BMS1: variants seen among roughly 807,000 people sequenced by gnomAD.
The protein encoded by BMS1 is ribosome biogenesis protein BMS1 homolog.
In BMS1, 53 loss-of-function variants were observed where a neutral mutation model predicts 138.7. The ratio of observed to expected loss-of-function variants is 0.38; its 90% CI spans 0.31 to 0.48. The LOEUF is 0.48. Among genes scored for constraint, BMS1 ranks in the 20% least tolerant of loss-of-function variants. The pLI, the probability that BMS1 is intolerant of heterozygous loss-of-function variation, is 0.97. For missense variants in BMS1, 1,360 were observed against 1,565.5 expected (o/e 0.87, Z 2.22); for synonymous variants, 504 against 539.9 (o/e 0.93, Z 0.92).
At chr10:42,800,289 G>T (rs531081051) in intron 12 of BMS1, among the ~76,000 whole-genome samples, 1 of 152,274 alleles carries the variant, frequency 6.6e-6, no homozygotes, top group East Asian at 1.9e-4. Flanking sequence ...CTTCCCAGGT[G>T]ATGGTGTTTT....
chr10:42,809,713 A>T (rs1283491040), intron 13 of BMS1, among the ~76,000 whole-genome samples: 1 of 152,108 alleles, frequency 6.6e-6, no homozygotes, highest in Admixed American at 6.6e-5. Flanking sequence ...ATTTTGTCTA[A>T]TGCCTTTTGG....
intron 3 of BMS1, among the ~76,000 whole-genome samples, chr10:42,786,729 A>G (rs1337585243): frequency 6.6e-6 from 1 of 151,182 alleles, no homozygotes; most frequent in East Asian, 1.9e-4. Context: ...CCCAGCCCAT[A>G]TTTTCTTGAC....
At chr10:42,829,499 A>G (rs1588764546) in intron 21 of BMS1, among the ~76,000 whole-genome samples, 4 of 152,160 alleles carry the variant, frequency 2.6e-5, no homozygotes, top group African/African-American at 9.7e-5. Flanking sequence ...TTGGCTGCTG[A>G]TTGAAGGAAG....
At chr10:42,830,770 A>T (rs538975912) in intron 22 of BMS1, 96 bp from the exon 23 acceptor site, 11 of 1,064,332 alleles carry the variant, frequency 1.0e-5, no homozygotes, top group Non-Finnish European at 1.4e-5. Context: ...GTTAATATTC[A>T]TTTGGATCGT....
chr10:42,828,868 A>G (rs1429752123), intron 21 of BMS1, among the ~76,000 whole-genome samples: 2 of 152,152 alleles, frequency 1.3e-5, no homozygotes, highest in Non-Finnish European at 2.9e-5. Flanking sequence ...ACCGTCTTAC[A>G]TGAATTTTTA....
intron 13 of BMS1, among the ~76,000 whole-genome samples, chr10:42,803,543 G>T (rs1386307722): frequency 1.3e-5 from 2 of 151,788 alleles, no homozygotes; most frequent in Non-Finnish European, 2.9e-5. Context: ...CTATAATTTA[G>T]TACTCTATGC....
At chr10:42,789,603 T>A (rs1418786871) in intron 4 of BMS1, among the ~76,000 whole-genome samples, 8 of 149,470 alleles carry the variant, frequency 5.4e-5, no homozygotes, top group Non-Finnish European at 1.2e-4. Context: ...TTTTTTTTTT[T>A]ACCTAATTCT....
intron 21 of BMS1, among the ~76,000 whole-genome samples, chr10:42,824,384 A>T (rs967159789): frequency 6.6e-6 from 1 of 152,156 alleles, no homozygotes; most frequent in African/African-American, 2.4e-5. Context: ...TTGGATATTA[A>T]CACTTTATCA....
rs185411494 is a variant in BMS1 at position 42,827,827 on chromosome 10, G to A, written c.3457-2434G>A. 2.6e-5 allele frequency among the ~76,000 whole-genome samples: 4 copies of A among 152,128 alleles called. No individual in the cohort carries two copies. The East Asian group carries it at 5.8e-4, about 22-fold the overall frequency. ...TGGCTGTCTTTGTCAGGGGATGAGC[G>A]CAAGGGGCTATTGATCGGCCCCTTG... On this transcript the variant is annotated intron_variant, in intron 21 of 22. Coordinates refer to ENST00000374518, the MANE Select transcript of BMS1 (RefSeq NM_014753.4).
intron 10 of BMS1, 80 bp downstream of exon 10, chr10:42,797,311 C>T: frequency 6.4e-7 from 1 of 1,574,044 alleles, no homozygotes; most frequent in Non-Finnish European, 8.6e-7. Flanking sequence ...ATTTAGGGGT[C>T]TGTTGATTCT....
chr10:42,808,270 T>TTTTA (rs139357355), intron 13 of BMS1, among the ~76,000 whole-genome samples: 32 of 147,774 alleles, frequency 2.2e-4, no homozygotes, highest in East Asian at 7.9e-4. Flanking sequence ...AGTTTTTATT[T>TTTTA]TTTATTTATT....
chr10:42,801,980 C>T (rs1162275824), intron 12 of BMS1, among the ~76,000 whole-genome samples, 157 bp from the exon 13 acceptor site: 1 of 152,046 alleles, frequency 6.6e-6, no homozygotes, highest in Non-Finnish European at 1.5e-5. Flanking sequence ...ATACTGTCTC[C>T]ATCAAAGGTA....
intron 1 of BMS1, among the ~76,000 whole-genome samples, chr10:42,783,281 T>G (rs1589126310): frequency 6.6e-6 from 1 of 152,218 alleles, no homozygotes; most frequent in East Asian, 1.9e-4. Flanking sequence ...CTGGCCAGTG[T>G]TCTTGACATT....
At chr10:42,821,920 G>A in intron 18 of BMS1, 142 bp from the exon 19 acceptor site, 8 of 866,214 alleles carry the variant, frequency 9.2e-6, no homozygotes, top group Non-Finnish European at 1.5e-5. Flanking sequence ...AAACCACTGG[G>A]TTGCAAGTTC....
In BMS1 at chr10:42,798,522, TG is replaced by T; in HGVS notation, c.2145del (p.Leu715PhefsTer33). On this transcript the variant is annotated frameshift_variant, in exon 12 of 23. Transcript: ENST00000374518. LOFTEE classifies it high-confidence loss of function. ...DDDTLEELGG[L>X]FRVNQPDREC... Reference sequence around the variant, plus strand: ...GATACTCTAGAAGAGCTTGGAGGGTTGTTTCGTGTCAACCAGCCTGACAGAG... The same window carrying T: ...GATACTCTAGAAGAGCTTGGAGGGTTTTTCGTGTCAACCAGCCTGACAGAG... The T allele has an allele frequency of 3.1e-6, 5 of 1,614,250 alleles. No homozygotes were observed. Among genetic ancestry groups the T allele is most frequent in the Non-Finnish European group, 4.2e-6 (5 of 1,180,052 alleles).
rs1476767662 is a variant in BMS1 at position 42,834,180 on chromosome 10, A to G, written c.*3084A>G. ...TACATATCATTCCATGCCATTAAAT[A>G]TTCTTATTTAATCATAGATGTGTTC... On this transcript the variant is annotated 3_prime_UTR_variant, in exon 23 of 23. Transcript: ENST00000374518. 6.6e-6 allele frequency: 1 copy of G among 152,200 alleles called. No homozygotes were observed. Among genetic ancestry groups the G allele is most frequent in the Non-Finnish European group, 1.5e-5 (1 of 68,056 alleles). The allele number at this position is 152,200 out of a possible 1,614,324, so 9.4% of individuals were successfully genotyped here. A position where few individuals can be genotyped will look rare whatever the true frequency, so the allele number is the denominator to read the frequency against.
At position 42,796,642 on chromosome 10, in the gene BMS1, A is replaced by C. The variant is rs1841692950; in HGVS notation, c.1398A>C (p.Glu466Asp). ...ACGGCTCTAGTGATGAGGAAGCAGA[A>C]GAGGAGGAAAATGCTGAGATGACTG... ...LENGSSDEEA[E>D]EEENAEMTDQ... The change falls in exon 10 of 23, where the codon GAA (glutamate) becomes GAC (aspartate). Residue 466 changes from glutamate to aspartate, a missense_variant. Glu to Asp is a conservative substitution (Grantham distance 45, BLOSUM62 2). Coordinates refer to ENST00000374518, the MANE Select transcript of BMS1 (RefSeq NM_014753.4). 2 of 1,614,112 alleles carry C rather than the reference A, an allele frequency of 1.2e-6. No individual in the cohort carries two copies. Among genetic ancestry groups the C allele is most frequent in the Non-Finnish European group, 1.7e-6 (2 of 1,180,042 alleles).
rs201097662 is a variant in BMS1, at chr10:42,828,613, GT to G, written c.3457-1635del. Among the ~76,000 whole-genome samples the G allele has an allele frequency of 0.01, 1,519 of 145,854 alleles. 54 individuals are homozygous for G. The East Asian group carries it at 0.11, about 11-fold the overall frequency. ...TGCTTGCTGACAATTGGCCTCTTCAGTTTTTTTTTTTTTATTTTAGGTTTTC... is the reference window on the plus strand; with the variant it reads ...TGCTTGCTGACAATTGGCCTCTTCAGTTTTTTTTTTTTATTTTAGGTTTTC... On this transcript the variant is annotated intron_variant, in intron 21 of 22. Transcript: ENST00000374518.
At chr10:42,829,966 A>G (rs867887754) in intron 21 of BMS1, among the ~76,000 whole-genome samples, 1 of 152,216 alleles carries the variant, frequency 6.6e-6, no homozygotes, top group African/African-American at 2.4e-5. Context: ...ACTGGGATCT[A>G]TTCATCTGTT....
Sources: allele counts gnomAD v4.1 joint callset (sites outside exome capture counted in the v4.1 genomes callset), GRCh38; gene constraint gnomAD v4.1.1; transcripts MANE v1.5; gene names NCBI Gene and HGNC (gene_info 2026-07-23, HGNC 2026-07-21).